PTPN4: variants seen among roughly 807,000 people sequenced by gnomAD.
The protein encoded by PTPN4 is protein tyrosine phosphatase non-receptor type 4.
PTPN4 carries 49 observed loss-of-function variants against 135.5 expected under a neutral mutation model. That is an observed-to-expected ratio of 0.36 (90% CI 0.29 to 0.46). The LOEUF (loss-of-function observed/expected upper bound fraction) is 0.46. Among genes scored for constraint, PTPN4 ranks in the 20% least tolerant of loss-of-function variants. PTPN4 has a pLI of 1.00. For missense variants in PTPN4, 860 were observed against 1,101.0 expected, an observed-to-expected ratio of 0.78 and a Z score of 3.10; for synonymous variants, 333 against 369.9, an observed-to-expected ratio of 0.90 and a Z score of 1.14.
Position 119,965,625 on chromosome 2 carries a change from A to G in PTPN4, c.2538A>G (p.Glu846=). The part of the protein sequence containing the change: ...HVRNKRAGKE[E]PVVVHCSAGI... ...GAAACAAGAGGGCTGGCAAGGAAGAACCCGTTGTTGTCCATTGCAGGTACT... is the reference window on the plus strand; with the variant it reads ...GAAACAAGAGGGCTGGCAAGGAAGAGCCCGTTGTTGTCCATTGCAGGTACT... The change falls in exon 25 of 27, where the codon GAA becomes GAG. Residue 846 remains glutamate, a synonymous_variant. Coordinates refer to ENST00000263708, the MANE Select transcript of PTPN4 (RefSeq NM_002830.4). 6.2e-7 allele frequency: 1 copy of G among 1,613,712 alleles called. No individual in the cohort carries two copies. Among genetic ancestry groups the G allele is most frequent in the South Asian group, 1.1e-5 (1 of 90,990 alleles).
At chr2:119,767,743 A>G (rs1055351882) in intron 1 of PTPN4, among the ~76,000 whole-genome samples, 3 of 152,210 alleles carry the variant, frequency 2.0e-5, no homozygotes, top group Non-Finnish European at 2.9e-5. Context: ...GACCGAGTGC[A>G]TTGTTGGCAG....
At position 119,882,415 on chromosome 2, in the gene PTPN4, A is replaced by G. The variant is rs576457789; in HGVS notation, c.467-88A>G. ...TTAGAAACATAAGTATTTTACATCC[A>G]GAAATAGAATTAATGGCATCGCTGA... is the stretch of plus-strand genomic sequence containing the variant. On this transcript the variant is annotated intron_variant, in intron 7 of 26. Transcript: ENST00000263708. 3.1e-4 allele frequency: 398 copies of G among 1,269,826 alleles called. 1 individual carries two copies. Among genetic ancestry groups the G allele is most frequent in the Middle Eastern group, 2.6e-3 (11 of 4,310 alleles). 78.7% of individuals were successfully genotyped at this position (1,269,826 alleles called of 1,614,324 possible). A position where few individuals can be genotyped will look rare whatever the true frequency, so the allele number is the denominator to read the frequency against.
chr2:119,949,389 A>G (rs746838790), intron 18 of PTPN4, among the ~76,000 whole-genome samples: 1 of 152,230 alleles, frequency 6.6e-6, no homozygotes, highest in Non-Finnish European at 1.5e-5. Context: ...GTATGAATAC[A>G]TAATAGTTGT....
At chr2:119,782,943 A>G (rs1690971166) in intron 1 of PTPN4, among the ~76,000 whole-genome samples, 1 of 151,080 alleles carries the variant, frequency 6.6e-6, no homozygotes, top group Non-Finnish European at 1.5e-5. Flanking sequence ...CCTGGGCTCA[A>G]GGGATCCTCC....
chr2:119,814,379 A>G (rs1167662196), intron 2 of PTPN4, among the ~76,000 whole-genome samples: 1 of 152,146 alleles, frequency 6.6e-6, no homozygotes, highest in African/African-American at 2.4e-5. Flanking sequence ...TTTTCTTCAG[A>G]GAGTAAATCT....
rs992709182 is a variant in PTPN4 at position 119,981,607 on chromosome 2, T to A, written c.*4537T>A. On this transcript the variant is annotated 3_prime_UTR_variant, in exon 27 of 27. Transcript: ENST00000263708. ...TAAAACATTTTTGAGGGCTAATTGA[T>A]AATAATTTCAGCAATTTTATTAAGA... 4 of 152,076 alleles carry A rather than the reference T, an allele frequency of 2.6e-5. No homozygotes were observed. The highest frequency in any genetic ancestry group is 4.4e-5 in the Non-Finnish European group (3 of 67,938). The allele number at this position is 152,076 out of a possible 1,614,324, so 9.4% of individuals were successfully genotyped here. A position where few individuals can be genotyped will look rare whatever the true frequency, so the allele number is the denominator to read the frequency against.
At chr2:119,868,599 C>T (rs1038643033) in intron 3 of PTPN4, among the ~76,000 whole-genome samples, 2 of 152,210 alleles carry the variant, frequency 1.3e-5, no homozygotes, top group Admixed American at 1.3e-4. Context: ...GGGCAAGGAA[C>T]ACCTGGCCCA....
intron 2 of PTPN4, among the ~76,000 whole-genome samples, chr2:119,851,074 TCTA>T (rs1677583989): frequency 6.6e-6 from 1 of 152,240 alleles, no homozygotes; most frequent in Non-Finnish European, 1.5e-5. Context: ...AGTTCCATCC[TCTA>T]CTGTTTTCTG....
intron 2 of PTPN4, among the ~76,000 whole-genome samples, chr2:119,846,165 A>G (rs757535085): frequency 5.9e-5 from 9 of 152,132 alleles, no homozygotes; most frequent in Non-Finnish European, 8.8e-5. Context: ...CCATTCTGCT[A>G]TTGTTGGATG....
At chr2:119,958,785 A>C (rs1323731329) in intron 22 of PTPN4, among the ~76,000 whole-genome samples, 1 of 152,192 alleles carries the variant, frequency 6.6e-6, no homozygotes, top group Non-Finnish European at 1.5e-5. Context: ...TGATTCATTA[A>C]CATTTAACTC....
intron 26 of PTPN4, among the ~76,000 whole-genome samples, chr2:119,972,175 TAAA>T (rs34997921): frequency 4.0e-5 from 6 of 149,976 alleles, no homozygotes; most frequent in African/African-American, 7.3e-5. Flanking sequence ...TCTGAAAAAA[TAAA>T]AAAAAAACCA....
intron 15 of PTPN4, among the ~76,000 whole-genome samples, chr2:119,943,937 C>T (rs1267454405): frequency 6.6e-6 from 1 of 152,132 alleles, no homozygotes; most frequent in Non-Finnish European, 1.5e-5. Flanking sequence ...ACACATTCCA[C>T]TTCTACCCAC....
chr2:119,847,273 T>TAC (rs1248986814), intron 2 of PTPN4, among the ~76,000 whole-genome samples: 24 of 82,710 alleles, frequency 2.9e-4, no homozygotes, highest in East Asian at 1.5e-3. Flanking sequence ...AGATACTCTA[T>TAC]ATACACACAC....
At position 119,782,999 on chromosome 2, in the gene PTPN4, C is replaced by CTT. The variant is rs5833802; in HGVS notation, c.-18+22627_-18+22628dup. Among the ~76,000 whole-genome samples the CTT allele has an allele frequency of 3.7e-3, 535 of 146,328 alleles. 4 individuals are homozygous for CTT. The highest frequency in any genetic ancestry group is 6.2e-3 in the East Asian group (31 of 4,994). On this transcript the variant is annotated intron_variant, in intron 1 of 26. Transcript: ENST00000263708. Reference sequence around the variant, plus strand: ...GAGCCACCACGCCTGGCTGAAATCCCTTTTTTTTTTTTTACTAAATTCCAG... The same window carrying CTT: ...GAGCCACCACGCCTGGCTGAAATCCCTTTTTTTTTTTTTTTACTAAATTCCAG...
Position 119,777,405 on chromosome 2 carries a change from A to G in PTPN4, c.-18+17021A>G, listed in dbSNP as rs1293482651. Among the ~76,000 whole-genome samples, 3 of 152,196 alleles carry G rather than the reference A, an allele frequency of 2.0e-5. No individual in the cohort carries two copies. In the East Asian group the frequency reaches 5.8e-4, roughly 29 times the overall value. ...TGCTTACCACCTCACATTATACTAT[A>G]TATATTTTTTTCTTTCCTCATTATA... is the stretch of plus-strand genomic sequence containing the variant. On this transcript the variant is annotated intron_variant, in intron 1 of 26. Coordinates refer to ENST00000263708, the MANE Select transcript of PTPN4 (RefSeq NM_002830.4).
intron 19 of PTPN4, among the ~76,000 whole-genome samples, chr2:119,953,900 A>C (rs1024200275): frequency 6.6e-6 from 1 of 152,104 alleles, no homozygotes; most frequent in Admixed American, 6.6e-5. Flanking sequence ...TCCAGATCTC[A>C]TCCTTTTGCT....
At chr2:119,883,599 G>C (rs946412622) in intron 8 of PTPN4, among the ~76,000 whole-genome samples, 1 of 152,130 alleles carries the variant, frequency 6.6e-6, no homozygotes, top group African/African-American at 2.4e-5. Context: ...GCAGTGTTGC[G>C]TATTGGCTAA....
intron 23 of PTPN4, among the ~76,000 whole-genome samples, chr2:119,961,421 G>A (rs374689366): frequency 3.5e-4 from 54 of 152,312 alleles, no homozygotes; most frequent in African/African-American, 1.3e-3. Flanking sequence ...ATAAAAACAA[G>A]TTCTAGGGAT....
chr2:119,920,210 T>C lies in PTPN4; in HGVS notation c.970T>C (p.Tyr324His). 1 of 1,612,546 alleles carries C rather than the reference T, an allele frequency of 6.2e-7. No homozygotes were observed. Among genetic ancestry groups the C allele is most frequent in the Non-Finnish European group, 8.5e-7 (1 of 1,179,300 alleles). Residue 324 changes from tyrosine to histidine, a missense_variant, in exon 12 of 27, where the codon TAT (tyrosine) becomes CAT (histidine). This residue lies in a region of PTPN4 where 684 missense variants were observed against 807.0 expected (regional missense o/e 0.85). Coordinates refer to ENST00000263708, the MANE Select transcript of PTPN4 (RefSeq NM_002830.4). ...LPPQKNFFAHYFTLGSKFRYC... is the reference protein window; with the variant it reads ...LPPQKNFFAHHFTLGSKFRYC... ...ACCTCAAAAGAATTTTTTTGCACAT[T>C]ATTTTACATTAGGTTCAAAATTCCG...
Sources: allele counts gnomAD v4.1 joint callset (sites outside exome capture counted in the v4.1 genomes callset), GRCh38; gene constraint gnomAD v4.1.1; regional missense constraint gnomAD v4.1.1; transcripts MANE v1.5; gene names NCBI Gene and HGNC (gene_info 2026-07-23, HGNC 2026-07-21).